The following AKAP12 variants were observed in gnomAD, a reference collection of about 807,000 sequenced individuals.
The protein encoded by AKAP12 is A-kinase anchor protein 12.
AKAP12 carries 32 observed loss-of-function variants against 79.9 expected under a neutral mutation model. The ratio of observed to expected loss-of-function variants is 0.40; its 90% CI spans 0.30 to 0.54. The LOEUF is 0.54. AKAP12 is among the 20% of genes least tolerant of loss of function. AKAP12 has a pLI of 0.48. For missense variants in AKAP12, 2,074 were observed against 2,177.0 expected (o/e 0.95, Z 0.94); for synonymous variants, 808 against 857.0 (o/e 0.94, Z 1.00).
chr6:151,352,286 G>A lies in AKAP12; in HGVS notation c.3895G>A (p.Val1299Ile). 1 of 1,614,202 alleles carries A rather than the reference G, an allele frequency of 6.2e-7. No individual in the cohort carries two copies. Among genetic ancestry groups the A allele is most frequent in the Non-Finnish European group, 8.5e-7 (1 of 1,180,038 alleles). The change falls in exon 4 of 5, where the codon GTC (valine) becomes ATC (isoleucine). Residue 1299 changes from valine (V) to isoleucine (I), a missense_variant. Val to Ile is a conservative substitution (Grantham distance 29, BLOSUM62 3). Coordinates refer to ENST00000402676, the MANE Select transcript of AKAP12 (RefSeq NM_005100.4). ...AGGCATAACAGTCAGTCGGGAAAAGGTCACTGAAGTTGCCCTTAAAGGTGA... is the reference window on the plus strand; with the variant it reads ...AGGCATAACAGTCAGTCGGGAAAAGATCACTGAAGTTGCCCTTAAAGGTGA... ...DTGITVSREKVTEVALKGEGT... is the reference protein window; with the variant it reads ...DTGITVSREKITEVALKGEGT...
chr6:151,293,170 T>C (rs1446299756), intron 2 of AKAP12, among the ~76,000 whole-genome samples: 1 of 152,230 alleles, frequency 6.6e-6, no homozygotes, highest in African/African-American at 2.4e-5. Context: ...TAAGCAAGGA[T>C]GTGATGTAAT....
chr6:151,336,025 T>C (rs928384574), intron 3 of AKAP12, among the ~76,000 whole-genome samples: 2 of 152,232 alleles, frequency 1.3e-5, no homozygotes, highest in Non-Finnish European at 2.9e-5. Context: ...AGCATTTTAC[T>C]TTCTGTTTCT....
intron 3 of AKAP12, among the ~76,000 whole-genome samples, chr6:151,332,630 CTG>C (rs1582887603): frequency 2.6e-5 from 4 of 152,186 alleles, no homozygotes; most frequent in Admixed American, 6.5e-5. Context: ...CAATACAAGA[CTG>C]TATCACACAT....
intron 2 of AKAP12, among the ~76,000 whole-genome samples, chr6:151,261,481 G>A (rs1267248010): frequency 3.3e-5 from 5 of 151,688 alleles, no homozygotes; most frequent in Admixed American, 1.3e-4. Context: ...AACTGAGGTC[G>A]GGAGTTCGAG....
At chr6:151,324,663 C>G (rs775007166) in intron 3 of AKAP12, 5 of 984,334 alleles carry the variant, frequency 5.1e-6, no homozygotes, top group Non-Finnish European at 6.0e-6. Flanking sequence ...GTTAATGGGT[C>G]AGGCAGGCAA....
intron 2 of AKAP12, among the ~76,000 whole-genome samples, chr6:151,286,335 C>T (rs1052402285): frequency 1.3e-5 from 2 of 152,192 alleles, no homozygotes; most frequent in Non-Finnish European, 2.9e-5. Context: ...AAAGCTGGCA[C>T]CTGTCTGCTC....
chr6:151,324,600 G>C (rs1777478571), intron 3 of AKAP12: 1 of 985,294 alleles, frequency 1.0e-6, no homozygotes, highest in South Asian at 4.7e-5. Context: ...ATTCTCTGAA[G>C]AGAAGTGCAA....
At chr6:151,317,153 A>G (rs1777256313) in intron 3 of AKAP12, among the ~76,000 whole-genome samples, 1 of 152,186 alleles carries the variant, frequency 6.6e-6, no homozygotes, top group Non-Finnish European at 1.5e-5. Context: ...TGTTAGTAGA[A>G]GGGAGCTTTG....
intron 3 of AKAP12, among the ~76,000 whole-genome samples, chr6:151,312,512 C>T (rs527769645): frequency 6.6e-6 from 1 of 151,722 alleles, no homozygotes; most frequent in South Asian, 2.1e-4. Context: ...ATGAGGACGG[C>T]CGGGCACGGT....
chr6:151,281,978 G>A (rs1163064857), intron 2 of AKAP12, among the ~76,000 whole-genome samples: 1 of 152,048 alleles, frequency 6.6e-6, no homozygotes, highest in Non-Finnish European at 1.5e-5. Context: ...GTTTATAGGC[G>A]TGACCCACCA....
At position 151,356,797 on chromosome 6, in the gene AKAP12, C is replaced by T. The variant is rs575561368; in HGVS notation, c.*1083C>T. 193 of 152,248 alleles carry T rather than the reference C, an allele frequency of 1.3e-3. No individual in the cohort carries two copies. Among genetic ancestry groups the T allele is most frequent in the African/African-American group, 4.3e-3 (179 of 41,548 alleles). 9.4% of individuals were successfully genotyped at this position (152,248 alleles called of 1,614,324 possible). A position where few individuals can be genotyped will look rare whatever the true frequency, so the allele number is the denominator to read the frequency against. On this transcript the variant is annotated 3_prime_UTR_variant, in exon 5 of 5. Transcript: ENST00000402676. ...TTAGATTTGCTGGTTTTATTAGATA[C>T]CAGGAAGCCTGGGACATATGTGTAC...
intron 2 of AKAP12, among the ~76,000 whole-genome samples, chr6:151,255,101 T>C (rs1797265555): frequency 6.6e-6 from 1 of 152,102 alleles, no homozygotes; most frequent in Non-Finnish European, 1.5e-5. Context: ...TGCACCCTTG[T>C]CAACAAAAAT....
rs1342403113 is a variant in AKAP12 at position 151,357,024 on chromosome 6, GT to G, written c.*1311del. ...AATTCCTGAAAATGTCAATTTTTTT[GT>G]GTTAATATTTTTGGTTTCAAACAAT... On this transcript the variant is annotated 3_prime_UTR_variant, in exon 5 of 5. Transcript: ENST00000402676. 6 of 152,106 alleles carry G rather than the reference GT, an allele frequency of 3.9e-5. No individual in the cohort carries two copies. The highest frequency in any genetic ancestry group is 1.4e-4 in the African/African-American group (6 of 41,418). The allele number at this position is 152,106 out of a possible 1,614,324, so 9.4% of individuals were successfully genotyped here.
chr6:151,259,942 T>C (rs1287214695), intron 2 of AKAP12, among the ~76,000 whole-genome samples: 2 of 151,424 alleles, frequency 1.3e-5, no homozygotes, highest in Non-Finnish European at 2.9e-5. Flanking sequence ...ACAATGTGAA[T>C]GAAGGACATG....
At chr6:151,241,301 G>C (rs563239311) in intron 2 of AKAP12, among the ~76,000 whole-genome samples, 1 of 152,384 alleles carries the variant, frequency 6.6e-6, no homozygotes, top group South Asian at 2.1e-4. Context: ...TCCCGAGGCA[G>C]AGAAAGCCTG....
chr6:151,297,411 A>G (rs2499898), intron 2 of AKAP12, among the ~76,000 whole-genome samples: 67,475 of 151,392 alleles, frequency 0.45, 16,857 homozygotes, highest in East Asian at 0.9. Context: ...CGTCTCTACT[A>G]AAAATACAAA....
rs187876758 is a variant in AKAP12, at chr6:151,313,954, C to T, written c.319+8051C>T. Among the ~76,000 whole-genome samples the T allele has an allele frequency of 5.3e-5, 8 of 152,042 alleles. No individual in the cohort carries two copies. In the East Asian group the frequency reaches 1.4e-3, roughly 26 times the overall value. ...GGATTAGCTAATGAAGACACCCAAGCGACCTGAAGCAGGCAGCAATCCACT... is the reference window on the plus strand; with the variant it reads ...GGATTAGCTAATGAAGACACCCAAGTGACCTGAAGCAGGCAGCAATCCACT... On this transcript the variant is annotated intron_variant, in intron 3 of 4. Transcript: ENST00000402676.
chr6:151,345,722 G>A (rs1292551385), intron 3 of AKAP12, among the ~76,000 whole-genome samples: 1 of 151,350 alleles, frequency 6.6e-6, no homozygotes. Flanking sequence ...GCTTGAACCC[G>A]GGAGGTGGAG....
At chr6:151,296,700 C>T (rs373303595) in intron 2 of AKAP12, among the ~76,000 whole-genome samples, 7 of 152,240 alleles carry the variant, frequency 4.6e-5, no homozygotes, top group East Asian at 1.9e-4. Context: ...TCTCTGGACC[C>T]CGGGAGGTGG....
Sources: gnomAD v4.1 joint callset for allele counts (sites outside exome capture counted in the v4.1 genomes callset) on GRCh38, gnomAD v4.1.1 for gene constraint, MANE v1.5 for transcripts, NCBI Gene and HGNC (gene_info 2026-07-23, HGNC 2026-07-21) for gene names.